Variants in ZNF148 observed in about 807,000 individuals in gnomAD.
ZNF148 encodes zinc finger protein 148.
A neutral mutation model predicts 67.7 loss-of-function variants in ZNF148; 7 were observed. The observed-to-expected ratio is 0.10, with a 90% CI of 0.06 to 0.19. The LOEUF (loss-of-function observed/expected upper bound fraction) is 0.19, where lower values mean the gene tolerates loss of function less well. ZNF148 is among the 10% of genes least tolerant of loss of function. The probability of loss-of-function intolerance (pLI) is 1.00; values close to 1 mark genes in which losing one functional copy is unlikely to be tolerated. For synonymous variants in ZNF148, 333 were observed against 330.7 expected, an observed-to-expected ratio of 1.01 and a Z score of -0.08; for missense variants, 583 against 947.1, an observed-to-expected ratio of 0.62 and a Z score of 5.05.
chr3:125,296,728 G>A (rs1356165551), intron 4 of ZNF148, among the ~76,000 whole-genome samples: 1 of 152,068 alleles, frequency 6.6e-6, no homozygotes, highest in African/African-American at 2.4e-5. Flanking sequence ...GGGTGCAAAT[G>A]TCTAATACCC....
chr3:125,340,230 G>A (rs182905290), intron 1 of ZNF148, among the ~76,000 whole-genome samples: 14 of 152,200 alleles, frequency 9.2e-5, no homozygotes, highest in East Asian at 1.9e-4. Context: ...ACATTCCTCC[G>A]CCAAAACAAA....
At chr3:125,340,190 A>C (rs774073106) in intron 1 of ZNF148, among the ~76,000 whole-genome samples, 1 of 152,200 alleles carries the variant, frequency 6.6e-6, no homozygotes, top group Non-Finnish European at 1.5e-5. Context: ...CCAACCACCA[A>C]TCTAGCAACA....
In ZNF148 at chr3:125,331,372, G is replaced by T. The variant is rs1026293749; in HGVS notation, c.-233-134C>A. 1.3e-5 allele frequency: 5 copies of T among 394,558 alleles called. No individual in the cohort carries two copies. The Admixed American group carries it at 1.3e-4, about 10-fold the overall frequency. The allele number at this position is 394,558 out of a possible 1,614,324, so 24.4% of individuals were successfully genotyped here. On this transcript the variant is annotated intron_variant, in intron 1 of 8. Coordinates refer to ENST00000360647, the MANE Select transcript of ZNF148 (RefSeq NM_021964.3). ...ATTCTTTCCATGGTAGATACTGTTAGAGTAAATAAAATTAGTAACAACTAA... is the reference window on the plus strand; with the variant it reads ...ATTCTTTCCATGGTAGATACTGTTATAGTAAATAAAATTAGTAACAACTAA...
rs754394660 is a variant in ZNF148 at position 125,233,524 on chromosome 3, A to T, written c.1202T>A (p.Leu401Gln). ...VLKKINSKRS[L>Q]KQPLEQNQTI... is the part of the protein sequence containing the mutation. ...TTGATTTTGCTCCAGTGGCTGTTTCAGACTTCTCTTACTATTAATTTTTTT... is the reference window on the plus strand; with the variant it reads ...TTGATTTTGCTCCAGTGGCTGTTTCTGACTTCTCTTACTATTAATTTTTTT... The change falls in exon 9 of 9, where the codon CTG becomes CAG. Residue 401 changes from leucine to glutamine, a missense_variant. Physicochemically the swap from Leu to Gln is moderately radical, Grantham distance 113. Coordinates refer to ENST00000360647, the MANE Select transcript of ZNF148 (RefSeq NM_021964.3). This position sits in a 1 kb window ranked among gnomAD's most constrained non-coding sequence, Gnocchi z 5.1. 6.2e-7 allele frequency: 1 copy of T among 1,613,818 alleles called. No homozygotes were observed. Among genetic ancestry groups the T allele is most frequent in the Non-Finnish European group, 8.5e-7 (1 of 1,179,902 alleles).
At chr3:125,323,229 T>C (rs1940861735) in intron 3 of ZNF148, 80 bp downstream of exon 3, 2 of 449,644 alleles carry the variant, frequency 4.4e-6, no homozygotes, top group South Asian at 1.0e-4. Context: ...CAGTATAAAA[T>C]TCTAGCAGCT....
intron 1 of ZNF148, among the ~76,000 whole-genome samples, chr3:125,334,632 T>A (rs985350823): frequency 3.3e-5 from 5 of 152,126 alleles, no homozygotes; most frequent in Non-Finnish European, 7.4e-5. Flanking sequence ...AACAAACCTA[T>A]GAGATAGTAT....
At chr3:125,336,932 C>T (rs1941522366) in intron 1 of ZNF148, among the ~76,000 whole-genome samples, 3 of 151,496 alleles carry the variant, frequency 2.0e-5, no homozygotes, top group Admixed American at 2.0e-4. Context: ...GCCGTGGCCT[C>T]CCAAAGTGCT....
intron 1 of ZNF148, chr3:125,356,883 CA>C (rs1471564337): frequency 6.6e-6 from 1 of 152,184 alleles, no homozygotes; most frequent in Non-Finnish European, 1.5e-5. Context: ...TACCACTAGA[CA>C]AGCAGGGTTT....
chr3:125,242,118 A>AT (rs1484146631), intron 7 of ZNF148, among the ~76,000 whole-genome samples: 1 of 151,970 alleles, frequency 6.6e-6, no homozygotes, highest in Non-Finnish European at 1.5e-5. Flanking sequence ...GAGTTTCAGG[A>AT]TTTTTTCCTG....
At chr3:125,367,365 C>T (rs1258972941) in intron 1 of ZNF148, among the ~76,000 whole-genome samples, 1 of 152,078 alleles carries the variant, frequency 6.6e-6, no homozygotes, top group East Asian at 1.9e-4. Flanking sequence ...TATCAGATAC[C>T]ACCTTTCCTT....
intron 5 of ZNF148, among the ~76,000 whole-genome samples, chr3:125,286,232 AAAGCCCCAAAAAAAG>A (rs1159942857): frequency 6.6e-6 from 1 of 152,202 alleles, no homozygotes; most frequent in Non-Finnish European, 1.5e-5. Context: ...GAAAAACATT[AAAGCCCCAAAAAAAG>A]AAGTGGAGGG....
intron 7 of ZNF148, among the ~76,000 whole-genome samples, chr3:125,264,362 T>C (rs1270899139): frequency 6.6e-6 from 1 of 152,216 alleles, no homozygotes; most frequent in Non-Finnish European, 1.5e-5. Flanking sequence ...AAGTAGTTAG[T>C]GTCAGCATTT....
chr3:125,235,841 A>G (rs1221848252), intron 7 of ZNF148, among the ~76,000 whole-genome samples: 1 of 151,280 alleles, frequency 6.6e-6, no homozygotes, highest in African/African-American at 2.4e-5. Flanking sequence ...TCAGCAAACT[A>G]TCACAAGGAC....
At chr3:125,312,895 CAG>C (rs1020337238) in intron 4 of ZNF148, among the ~76,000 whole-genome samples, 1 of 152,000 alleles carries the variant, frequency 6.6e-6, no homozygotes, top group African/African-American at 2.4e-5. Flanking sequence ...ACAAAGAGAA[CAG>C]AGAATAGGAG....
At chr3:125,277,307 T>C (rs9840709) in intron 7 of ZNF148, among the ~76,000 whole-genome samples, 10,861 of 152,206 alleles carry the variant, frequency 0.071, 549 homozygotes, top group Non-Finnish European at 0.098. Context: ...TTCTCAACTT[T>C]TTAAGATTAC....
At chr3:125,342,230 T>A (rs1485331954) in intron 1 of ZNF148, among the ~76,000 whole-genome samples, 1 of 151,636 alleles carries the variant, frequency 6.6e-6, no homozygotes. Context: ...AACTGAAACG[T>A]ACTCAAATTT....
chr3:125,355,504 T>C (rs1457402075), intron 1 of ZNF148, among the ~76,000 whole-genome samples: 1 of 152,078 alleles, frequency 6.6e-6, no homozygotes, highest in Non-Finnish European at 1.5e-5. Flanking sequence ...ATGTCCAGGG[T>C]TTCCAGACAA....
rs141300218 is a variant in ZNF148 at position 125,273,612 on chromosome 3, G to C, written c.667+4114C>G. Among the ~76,000 whole-genome samples the C allele has an allele frequency of 3.5e-3, 525 of 151,226 alleles. 9 individuals are homozygous for C. The highest frequency in any genetic ancestry group is 3.4e-3 in the Middle Eastern group (1 of 294). On this transcript the variant is annotated intron_variant, in intron 7 of 8. Coordinates refer to ENST00000360647, the MANE Select transcript of ZNF148 (RefSeq NM_021964.3). Reference sequence around the variant, plus strand: ...AGGTTCAGGCGATTCTCCTGCCTCAGCCTCCCGAGTAGCTAGGACTAAAGG... The same window carrying C: ...AGGTTCAGGCGATTCTCCTGCCTCACCCTCCCGAGTAGCTAGGACTAAAGG...
rs1400234856 is a variant in ZNF148, at chr3:125,229,002, G to C, written c.*3339C>G. On this transcript the variant is annotated 3_prime_UTR_variant, in exon 9 of 9. Transcript: ENST00000360647. ...ACACGGTTTTTATTTGCAGAATATA[G>C]CAAAACAACTGGAAAATTATTTCCC... 1.3e-5 allele frequency: 2 copies of C among 152,400 alleles called. No homozygotes were observed. The highest frequency in any genetic ancestry group is 2.9e-5 in the Non-Finnish European group (2 of 67,972). 9.4% of individuals were successfully genotyped at this position (152,400 alleles called of 1,614,324 possible).
Sources: gnomAD v4.1 joint callset for allele counts (sites outside exome capture counted in the v4.1 genomes callset) on GRCh38, gnomAD v4.1.1 for gene constraint, Gnocchi (gnomAD v3.1) non-coding constraint, MANE v1.5 for transcripts, NCBI Gene and HGNC (gene_info 2026-07-23, HGNC 2026-07-21) for gene names.